The following FGFR2 variants were observed in gnomAD, a reference collection of about 807,000 sequenced individuals.
The protein encoded by FGFR2 is BEK fibroblast growth factor receptor.
FGFR2 carries 19 observed loss-of-function variants against 95.9 expected under a neutral mutation model. The ratio of observed to expected loss-of-function variants is 0.20; its 90% CI spans 0.14 to 0.29. FGFR2 has a LOEUF of 0.29. Among genes scored for constraint, FGFR2 ranks in the 10% least tolerant of loss-of-function variants. The pLI is 1.00. For synonymous variants in FGFR2, 392 were observed against 393.3 expected, an observed-to-expected ratio of 1.00 and a Z score of 0.04; for missense variants, 707 against 1,056.9, an observed-to-expected ratio of 0.67 and a Z score of 4.59.
chr10:121,481,201 T>C (rs1844627660), intron 17 of FGFR2, among the ~76,000 whole-genome samples: 1 of 152,164 alleles, frequency 6.6e-6, no homozygotes, highest in African/African-American at 2.4e-5. Flanking sequence ...AATTGGGAAC[T>C]TGTGGGTCTC....
At chr10:121,527,705 G>C (rs1851568724) in intron 6 of FGFR2, 1 of 152,106 alleles carries the variant, frequency 6.6e-6, no homozygotes, top group South Asian at 2.1e-4. Context: ...TATTGACCTT[G>C]TCCAGTTTAC....
At chr10:121,524,631 A>G (rs1197626827) in intron 6 of FGFR2, among the ~76,000 whole-genome samples, 4 of 152,192 alleles carry the variant, frequency 2.6e-5, no homozygotes, top group Non-Finnish European at 5.9e-5. Context: ...GAACCTCAGA[A>G]ACAGTGAACA....
In FGFR2 at chr10:121,515,258, G is replaced by A. The variant is rs2134228384; in HGVS notation, c.1146C>T (p.Cys382=). 1 of 1,614,146 alleles carries A rather than the reference G, an allele frequency of 6.2e-7. No homozygotes were observed. The highest frequency in any genetic ancestry group is 8.5e-7 in the Non-Finnish European group (1 of 1,180,016). The part of the protein sequence containing the change: ...SPDYLEIAIY[C]IGVFLIACMV... ...TACAGGCGATTAAGAAGACCCCTAT[G>A]CAGTAAATGGCTATCTCCAGGTAGT... The change falls in exon 9 of 18, where the codon TGC becomes TGT. Residue 382 remains cysteine (C), a synonymous_variant. Coordinates refer to ENST00000358487, the MANE Select transcript of FGFR2 (RefSeq NM_000141.5).
intron 5 of FGFR2, among the ~76,000 whole-genome samples, chr10:121,548,815 C>A (rs1233368080): frequency 6.6e-6 from 1 of 152,138 alleles, no homozygotes; most frequent in Non-Finnish European, 1.5e-5. Context: ...TAAAAACAAT[C>A]CCAGGGGCCG....
At chr10:121,592,300 T>C (rs973379448) in intron 2 of FGFR2, among the ~76,000 whole-genome samples, 1 of 152,184 alleles carries the variant, frequency 6.6e-6, no homozygotes, top group Admixed American at 6.5e-5. Context: ...GCATCACCAC[T>C]GCAAATTACA....
Position 121,479,843 on chromosome 10 carries a change from G to A in FGFR2, c.*14C>T, listed in dbSNP as rs2133677402. 6.2e-7 allele frequency: 1 copy of A among 1,614,128 alleles called. No individual in the cohort carries two copies. The highest frequency in any genetic ancestry group is 8.5e-7 in the Non-Finnish European group (1 of 1,179,988). On this transcript the variant is annotated 3_prime_UTR_variant, in exon 18 of 18. Coordinates refer to ENST00000358487, the MANE Select transcript of FGFR2 (RefSeq NM_000141.5). ...CCAGTGCTGTCCTGTTTGGGGACAG[G>A]CAGACACAGTCATTCATGTTTTAAC...
intron 4 of FGFR2, among the ~76,000 whole-genome samples, chr10:121,559,623 T>TC (rs1180173822): frequency 6.6e-6 from 1 of 152,246 alleles, no homozygotes; most frequent in Admixed American, 6.5e-5. Context: ...ATCTCCCTGG[T>TC]ACAGCTAACA....
At chr10:121,491,754 C>T (rs760376944) in intron 13 of FGFR2, among the ~76,000 whole-genome samples, 10 of 151,962 alleles carry the variant, frequency 6.6e-5, no homozygotes, top group Non-Finnish European at 1.2e-4. Context: ...CCTGTAGTCC[C>T]AGCTACTTGG....
chr10:121,573,954 C>T (rs1445719198), intron 2 of FGFR2, among the ~76,000 whole-genome samples: 1 of 152,142 alleles, frequency 6.6e-6, no homozygotes, highest in Admixed American at 6.5e-5. Context: ...CTGCAAATGT[C>T]GCTACATAGT....
At chr10:121,575,306 C>T (rs918854088) in intron 2 of FGFR2, among the ~76,000 whole-genome samples, 1 of 152,120 alleles carries the variant, frequency 6.6e-6, no homozygotes, top group Non-Finnish European at 1.5e-5. Context: ...ATGTCCCCAC[C>T]CACAGTGGAA....
At chr10:121,505,793 T>G (rs1848187610) in intron 9 of FGFR2, among the ~76,000 whole-genome samples, 1 of 152,200 alleles carries the variant, frequency 6.6e-6, no homozygotes, top group Admixed American at 6.5e-5. Flanking sequence ...CAGTTTGCAT[T>G]GGTCCACAGG....
rs139050402 is a variant in FGFR2 at position 121,543,636 on chromosome 10, T to G, written c.625-4921A>C. ...AGCATTTGTGCCAACTAACCTTGCATGTCAAGGACAGAGGTACCTGCTGTT... is the reference window on the plus strand; with the variant it reads ...AGCATTTGTGCCAACTAACCTTGCAGGTCAAGGACAGAGGTACCTGCTGTT... On this transcript the variant is annotated intron_variant, in intron 5 of 17. Coordinates refer to ENST00000358487, the MANE Select transcript of FGFR2 (RefSeq NM_000141.5). Among the ~76,000 whole-genome samples, 168 of 152,364 alleles carry G rather than the reference T, an allele frequency of 1.1e-3. 1 individual carries two copies. The highest frequency in any genetic ancestry group is 3.8e-3 in the African/African-American group (159 of 41,588).
chr10:121,497,263 G>A (rs1485015793), intron 12 of FGFR2, among the ~76,000 whole-genome samples: 4 of 152,080 alleles, frequency 2.6e-5, no homozygotes, highest in South Asian at 2.1e-4. Context: ...AAAAGGCACA[G>A]AGACACAGTT....
At chr10:121,527,243 G>A (rs1392047546) in intron 6 of FGFR2, among the ~76,000 whole-genome samples, 1 of 152,174 alleles carries the variant, frequency 6.6e-6, no homozygotes, top group Non-Finnish European at 1.5e-5. Context: ...GCTTGGGGTT[G>A]AGTGGCTTCT....
At chr10:121,548,810 A>G (rs1177537899) in intron 5 of FGFR2, among the ~76,000 whole-genome samples, 1 of 152,198 alleles carries the variant, frequency 6.6e-6, no homozygotes, top group Non-Finnish European at 1.5e-5. Context: ...GTGGTTAAAA[A>G]CAATCCCAGG....
rs121913475 is a variant in FGFR2 at position 121,519,989 on chromosome 10, T to C, written c.929A>G (p.Lys310Arg). Residue 310 changes from lysine (K) to arginine (R), a missense_variant, in exon 7 of 18, where the codon AAG (lysine) becomes AGG (arginine). Coordinates refer to ENST00000358487, the MANE Select transcript of FGFR2 (RefSeq NM_000141.5). Reference sequence around the variant, plus strand: ...TCAGAAAGTCCTCACCTTGAGAACCTTGAGGTAGGGCAGCCCGTCGGGCCC... The same window carrying C: ...TCAGAAAGTCCTCACCTTGAGAACCCTGAGGTAGGGCAGCCCGTCGGGCCC... ...KYGPDGLPYL[K>R]VLKAAGVNTT... 1 of 1,614,230 alleles carries C rather than the reference T, an allele frequency of 6.2e-7. No homozygotes were observed. The highest frequency in any genetic ancestry group is 8.5e-7 in the Non-Finnish European group (1 of 1,180,034).
intron 2 of FGFR2, among the ~76,000 whole-genome samples, chr10:121,581,566 C>T (rs1245081171): frequency 7.3e-6 from 1 of 137,040 alleles, no homozygotes; most frequent in East Asian, 2.1e-4. Context: ...AGTGAGAACC[C>T]ATCTCTACCA....
chr10:121,481,503 A>G (rs1398135502), intron 17 of FGFR2, among the ~76,000 whole-genome samples: 2 of 152,216 alleles, frequency 1.3e-5, no homozygotes, highest in Admixed American at 1.3e-4. Flanking sequence ...TATCAGTTCC[A>G]ACAACATCAG....
chr10:121,551,416 G>A lies in FGFR2; in HGVS notation c.498C>T (p.Leu166=), dbSNP rs777075226. 1.2e-5 allele frequency: 19 copies of A among 1,614,138 alleles called. No homozygotes were observed. The highest frequency in any genetic ancestry group is 1.6e-5 in the Non-Finnish European group (19 of 1,180,014). ...CAGTGTTGGCCGCAGGCACAGCATG[G>A]AGCCGCTTTTCCATCTTTTCTGTGT... The part of the protein sequence containing the change: ...WTNTEKMEKR[L]HAVPAANTVK... Residue 166 remains leucine (L), a synonymous_variant, in exon 5 of 18, where the codon CTC becomes CTT. Coordinates refer to ENST00000358487, the MANE Select transcript of FGFR2 (RefSeq NM_000141.5).
Sources: allele counts gnomAD v4.1 joint callset (sites outside exome capture counted in the v4.1 genomes callset), GRCh38; gene constraint gnomAD v4.1.1; transcripts MANE v1.5; gene names NCBI Gene and HGNC (gene_info 2026-07-23, HGNC 2026-07-21).